Variants in EFNA5 observed in about 807,000 individuals in gnomAD.
EFNA5 encodes ephrin-A5.
Under a neutral mutation model 22.9 loss-of-function variants are expected in EFNA5, and 5 were observed. That is an observed-to-expected ratio of 0.22 (90% confidence interval 0.11 to 0.46). EFNA5 has a LOEUF of 0.46. Ranked by LOEUF, EFNA5 falls within the 20% of genes least tolerant of loss-of-function variation. The pLI, the probability that EFNA5 is intolerant of heterozygous loss-of-function variation, is 0.99. For missense variants in EFNA5, 237 were observed against 293.3 expected (o/e 0.81, Z 1.40); for synonymous variants, 113 against 112.2 (o/e 1.01, Z -0.04).
At chr5:107,440,962 C>A (rs1749240553) in intron 1 of EFNA5, among the ~76,000 whole-genome samples, 1 of 151,270 alleles carries the variant, frequency 6.6e-6, no homozygotes, top group South Asian at 2.1e-4. Context: ...CTTGTACATG[C>A]CAAATATTTA....
intron 1 of EFNA5, among the ~76,000 whole-genome samples, chr5:107,617,479 T>G (rs1461085307): frequency 6.6e-6 from 1 of 151,890 alleles, no homozygotes; most frequent in Non-Finnish European, 1.5e-5. Flanking sequence ...AGGTAAAGAG[T>G]CACCACCAGC....
chr5:107,560,293 C>T lies in EFNA5; in HGVS notation c.125+110196G>A, dbSNP rs536464906. On this transcript the variant is annotated intron_variant, in intron 1 of 4. Coordinates refer to ENST00000333274, the MANE Select transcript of EFNA5 (RefSeq NM_001962.3). ...ATTAAAAGCAACAGGCCAATTAAGG[C>T]CTTTGAAATAATATAAGGTACAAAA... 2.0e-4 allele frequency among the ~76,000 whole-genome samples: 31 copies of T among 152,082 alleles called. No homozygotes were observed. In the South Asian group the frequency reaches 6.2e-3, roughly 31 times the overall value.
chr5:107,502,812 A>G (rs939715670), intron 1 of EFNA5, among the ~76,000 whole-genome samples: 6 of 152,144 alleles, frequency 3.9e-5, no homozygotes, highest in African/African-American at 1.4e-4. Flanking sequence ...TGGCAGATTG[A>G]AAGGCGGGAA....
At chr5:107,424,900 C>T (rs1032466872) in intron 2 of EFNA5, among the ~76,000 whole-genome samples, 2 of 152,060 alleles carry the variant, frequency 1.3e-5, no homozygotes, top group Admixed American at 6.6e-5. Flanking sequence ...CTTTGCGGGT[C>T]GAAAACATGG....
chr5:107,459,318 A>G (rs1359930768), intron 1 of EFNA5, among the ~76,000 whole-genome samples: 1 of 150,718 alleles, frequency 6.6e-6, no homozygotes, highest in Non-Finnish European at 1.5e-5. Flanking sequence ...ACGTCACCAC[A>G]CTCCAGCCTG....
intron 1 of EFNA5, among the ~76,000 whole-genome samples, chr5:107,598,960 T>C (rs925141578): frequency 1.8e-4 from 27 of 152,160 alleles, no homozygotes; most frequent in African/African-American, 5.8e-4. Flanking sequence ...CTGAGTCAAA[T>C]GAAACACTAA....
chr5:107,552,835 T>C (rs542388487), intron 1 of EFNA5, among the ~76,000 whole-genome samples: 15 of 152,348 alleles, frequency 9.8e-5, no homozygotes, highest in Non-Finnish European at 2.1e-4. Context: ...CTAGCCCATG[T>C]AATAGAACAG....
At chr5:107,542,612 C>T (rs1246348434) in intron 1 of EFNA5, among the ~76,000 whole-genome samples, 3 of 152,002 alleles carry the variant, frequency 2.0e-5, no homozygotes, top group Admixed American at 2.0e-4. Flanking sequence ...GCCTTCTCTG[C>T]CGGCAAATAT....
At chr5:107,456,773 C>A (rs1749709182) in intron 1 of EFNA5, among the ~76,000 whole-genome samples, 1 of 152,102 alleles carries the variant, frequency 6.6e-6, no homozygotes, top group Non-Finnish European at 1.5e-5. Flanking sequence ...GTCTAGCTTG[C>A]CCCCTTGTTC....
intron 1 of EFNA5, among the ~76,000 whole-genome samples, chr5:107,642,295 A>G (rs1750542822): frequency 6.6e-6 from 1 of 152,180 alleles, no homozygotes; most frequent in Admixed American, 6.5e-5. Context: ...TTAATAATAT[A>G]TTGTATACTT....
chr5:107,404,163 T>C (rs1748154089), intron 2 of EFNA5, among the ~76,000 whole-genome samples: 1 of 152,222 alleles, frequency 6.6e-6, no homozygotes. Context: ...TGGTTCAAGC[T>C]CGAAATGATA....
chr5:107,650,407 G>A (rs1296783896), intron 1 of EFNA5, among the ~76,000 whole-genome samples: 1 of 152,118 alleles, frequency 6.6e-6, no homozygotes, highest in Non-Finnish European at 1.5e-5. Flanking sequence ...TTTACTGGCT[G>A]TTAAACTCTA....
chr5:107,618,155 A>G lies in EFNA5; in HGVS notation c.125+52334T>C, dbSNP rs1409862498. Among the ~76,000 whole-genome samples the G allele has an allele frequency of 2.0e-5, 3 of 152,216 alleles. No individual in the cohort carries two copies. In the East Asian group the frequency reaches 5.8e-4, roughly 29 times the overall value. On this transcript the variant is annotated intron_variant, in intron 1 of 4. Transcript: ENST00000333274. ...ATCTTTATGTGCATAGTATATATGC[A>G]ATCCAAAATATTCAGCCTGATCAGA...
At chr5:107,543,869 G>A (rs933851804) in intron 1 of EFNA5, among the ~76,000 whole-genome samples, 9 of 152,120 alleles carry the variant, frequency 5.9e-5, no homozygotes, top group African/African-American at 1.7e-4. Context: ...TTCAAATACC[G>A]AACCTATAAG....
intron 1 of EFNA5, among the ~76,000 whole-genome samples, chr5:107,564,718 C>A (rs1404513757): frequency 6.9e-6 from 1 of 145,530 alleles, no homozygotes; most frequent in African/African-American, 2.6e-5. Flanking sequence ...TGATCCTTGT[C>A]CTCTTCTAGT....
chr5:107,546,744 A>G (rs1201486570), intron 1 of EFNA5, among the ~76,000 whole-genome samples: 15 of 151,866 alleles, frequency 9.9e-5, no homozygotes, highest in Admixed American at 9.9e-4. Flanking sequence ...GTGGCCATGC[A>G]TCTTAAATTT....
intron 2 of EFNA5, among the ~76,000 whole-genome samples, chr5:107,394,264 C>T (rs1018003523): frequency 1.8e-4 from 27 of 152,148 alleles, no homozygotes; most frequent in Admixed American, 1.4e-3. Flanking sequence ...TCTCTTGCAG[C>T]CCACTGCGTC....
intron 1 of EFNA5, among the ~76,000 whole-genome samples, chr5:107,546,805 G>A (rs1748168706): frequency 6.6e-6 from 1 of 151,966 alleles, no homozygotes; most frequent in Admixed American, 6.6e-5. Flanking sequence ...ATAACTCCAA[G>A]AACATATCAT....
intron 1 of EFNA5, among the ~76,000 whole-genome samples, chr5:107,623,837 G>GT (rs1023149326): frequency 6.6e-6 from 1 of 152,072 alleles, no homozygotes; most frequent in Non-Finnish European, 1.5e-5. Context: ...AAGTTTTGTG[G>GT]TAAAGACTTA....
Sources: gnomAD v4.1 joint callset for allele counts (sites outside exome capture counted in the v4.1 genomes callset) on GRCh38, gnomAD v4.1.1 for gene constraint, MANE v1.5 for transcripts, NCBI Gene and HGNC (gene_info 2026-07-23, HGNC 2026-07-21) for gene names.